TTC21A: variants seen among roughly 807,000 people sequenced by gnomAD.
TTC21A encodes the protein tetratricopeptide repeat domain 21A.
Under a neutral mutation model 156.4 loss-of-function variants are expected in TTC21A, and 128 were observed. The ratio of observed to expected loss-of-function variants is 0.82; its 90% CI spans 0.71 to 0.95. The LOEUF is 0.95. Among genes scored for constraint, TTC21A ranks in the 40% least tolerant of loss-of-function variants. TTC21A has a pLI of 0.00. For missense variants in TTC21A, 1,435 were observed against 1,602.3 expected (o/e 0.90, Z 1.78); for synonymous variants, 587 against 617.1 (o/e 0.95, Z 0.72).
chr3:39,130,593 C>T lies in TTC21A; in HGVS notation c.2320-108C>T, dbSNP rs2038649140. The T allele has an allele frequency of 1.4e-6, 2 of 1,414,454 alleles. No individual in the cohort carries two copies. Among genetic ancestry groups the T allele is most frequent in the Admixed American group, 3.8e-5 (2 of 52,218 alleles). 87.6% of individuals were successfully genotyped at this position (1,414,454 alleles called of 1,614,324 possible). A position where few individuals can be genotyped will look rare whatever the true frequency, so the allele number is the denominator to read the frequency against. On this transcript the variant is annotated intron_variant, in intron 17 of 28. Transcript: ENST00000683103. This position sits in a 1 kb window ranked among gnomAD's most constrained non-coding sequence, Gnocchi z 4.5. ...GGGAGGAGTGCCTTTTCACTTTAGGCTATGTTCTGGAGGGGCACACTGGTG... is the reference window on the plus strand; with the variant it reads ...GGGAGGAGTGCCTTTTCACTTTAGGTTATGTTCTGGAGGGGCACACTGGTG...
rs1380473266 is a variant in TTC21A, at chr3:39,110,051, T to G, written c.180T>G (p.Ser60Arg). The G allele has an allele frequency of 6.2e-7, 1 of 1,613,976 alleles. No homozygotes were observed. Among genetic ancestry groups the G allele is most frequent in the Admixed American group, 1.7e-5 (1 of 60,016 alleles). The change falls in exon 3 of 29, where the codon AGT becomes AGG. Residue 60 changes from serine to arginine, a missense_variant. Ser to Arg is a moderately radical substitution (Grantham distance 110). Transcript: ENST00000683103. ...LKEEHIQDAI[S>R]DLESIRHHPD... ...CAGAGCACATCCAGGATGCCATCAG[T>G]GACCTGGAAAGCATCAGGCATCACC...
rs757902747 is a variant in TTC21A, at chr3:39,137,498, C to T, written c.3463C>T (p.Pro1155Ser). Residue 1155 changes from proline (P) to serine (S), a missense_variant, in exon 26 of 29, where the codon CCT becomes TCT. By Grantham distance (74) the Pro-to-Ser change is moderately conservative (BLOSUM62 -1). Coordinates refer to ENST00000683103, the MANE Select transcript of TTC21A (RefSeq NM_001366900.1). ...ACCTGGTGTGTAGAAGGACAGCGTCCCTGCCCTGCTGGCCTTGGCACAAGC... is the reference window on the plus strand; with the variant it reads ...ACCTGGTGTGTAGAAGGACAGCGTCTCTGCCCTGCTGGCCTTGGCACAAGC... ...QIAQAEKDSV[P>S]ALLALAQAYV... 3 of 1,614,212 alleles carry T rather than the reference C, an allele frequency of 1.9e-6. No homozygotes were observed. In the South Asian group the frequency reaches 3.3e-5, roughly 18 times the overall value.
At chr3:39,127,292 C>G (rs1451572792) in intron 12 of TTC21A, among the ~76,000 whole-genome samples, 1 of 152,214 alleles carries the variant, frequency 6.6e-6, no homozygotes, top group Non-Finnish European at 1.5e-5. Context: ...ATACTGTGGC[C>G]ATTTGTCTGT....
At chr3:39,117,187 T>G (rs1457590419) in intron 6 of TTC21A, among the ~76,000 whole-genome samples, 2 of 152,272 alleles carry the variant, frequency 1.3e-5, no homozygotes. Flanking sequence ...TGTTTGATTC[T>G]TCTTTGGTCT....
chr3:39,126,833 T>C (rs1272407700), intron 12 of TTC21A, among the ~76,000 whole-genome samples: 1 of 152,152 alleles, frequency 6.6e-6, no homozygotes, highest in African/African-American at 2.4e-5. Flanking sequence ...TGAGATACAG[T>C]AGTACCAAAA....
intron 4 of TTC21A, among the ~76,000 whole-genome samples, chr3:39,111,923 G>T (rs1172412131): frequency 6.6e-6 from 1 of 152,180 alleles, no homozygotes; most frequent in East Asian, 1.9e-4. Flanking sequence ...GCCTGGAGAG[G>T]CTGGGTGAAG....
chr3:39,113,267 G>C (rs2036985721), intron 5 of TTC21A, among the ~76,000 whole-genome samples: 1 of 152,186 alleles, frequency 6.6e-6, no homozygotes, highest in African/African-American at 2.4e-5. Context: ...CTTGGGTCCA[G>C]GGTGTGTATT....
intron 19 of TTC21A, 50 bp downstream of exon 19, chr3:39,131,145 G>A (rs750097157): frequency 2.7e-6 from 4 of 1,488,820 alleles, no homozygotes; most frequent in Admixed American, 3.5e-5. Context: ...GCTGATGGGG[G>A]CTGAAGGAGG....
In TTC21A at chr3:39,130,723, C is replaced by T. The variant is rs1250945984; in HGVS notation, c.2342C>T (p.Ala781Val). Residue 781 changes from alanine (A) to valine (V), a missense_variant, in exon 18 of 29, where the codon GCC (alanine) becomes GTC (valine). Transcript: ENST00000683103. The surrounding 1 kb of genome is among the most constrained non-coding windows in gnomAD (Gnocchi z 4.5). Reference sequence around the variant, plus strand: ...AAGGCAATTGAGTATTATGAGGCTGCCCAGAAGATTAATGGACAGGACTTT... The same window carrying T: ...AAGGCAATTGAGTATTATGAGGCTGTCCAGAAGATTAATGGACAGGACTTT... The part of the protein sequence containing the change: ...YTEAIEYYEA[A>V]QKINGQDFLC... The T allele has an allele frequency of 3.1e-6, 5 of 1,614,154 alleles. No individual in the cohort carries two copies. The South Asian group carries it at 5.5e-5, about 18-fold the overall frequency.
Position 39,129,296 on chromosome 3 carries a change from C to A in TTC21A, c.2121C>A (p.Tyr707Ter). 6.2e-7 allele frequency: 1 copy of A among 1,613,654 alleles called. No individual in the cohort carries two copies. Among genetic ancestry groups the A allele is most frequent in the Non-Finnish European group, 8.5e-7 (1 of 1,179,520 alleles). The change falls in exon 15 of 29, where the codon TAC (tyrosine) becomes TAA (stop). Residue 707 changes from tyrosine to a stop codon, truncating the protein, a stop_gained. Transcript: ENST00000683103. LOFTEE classifies it high-confidence loss of function. Reference protein sequence around the residue: ...YLQTLRDRRLYIRCYRELCEH... With the variant: ...YLQTLRDRRL ...AGACCCTCAGAGACAGGCGCCTCTA[C>A]ATCAGATGCTACCGGTAAGCCCCAC...
chr3:39,131,172 C>G, intron 19 of TTC21A, 77 bp downstream of exon 19: 1 of 1,276,460 alleles, frequency 7.8e-7, no homozygotes, highest in South Asian at 1.3e-5. Flanking sequence ...GAGAGAGCTC[C>G]AGGTCTGGAA....
chr3:39,128,758 C>T lies in TTC21A; in HGVS notation c.1722C>T (p.Ala574=), dbSNP rs774150114. 86 of 1,614,110 alleles carry T rather than the reference C, an allele frequency of 5.3e-5. No individual in the cohort carries two copies. In the South Asian group the frequency reaches 7.4e-4, roughly 14 times the overall value. ...HPLYHLIKAR[A]LNKAGDYPEA... is the part of the protein sequence containing the mutation. ...TCTACCACCTCATCAAGGCCAGGGC[C>T]CTCAACAAGGCTGGAGACTATCCAG... The change falls in exon 14 of 29, where the codon GCC becomes GCT. Residue 574 remains alanine (A), a synonymous_variant. Transcript: ENST00000683103.
chr3:39,110,507 G>GAGACTAC (rs2036717731), intron 3 of TTC21A: 1 of 502,372 alleles, frequency 2.0e-6, no homozygotes, highest in African/African-American at 2.0e-5. Context: ...GGGTCCAAGA[G>GAGACTAC]AGACTACAGA....
At chr3:39,129,001 C>T (rs2038500353) in intron 14 of TTC21A, 69 bp downstream of exon 14, 1 of 1,607,892 alleles carries the variant, frequency 6.2e-7, no homozygotes, top group African/African-American at 1.3e-5. Flanking sequence ...GCCCAGGAAC[C>T]AGGTTCTTTG....
At chr3:39,117,798 G>T (rs1465403803) in intron 6 of TTC21A, among the ~76,000 whole-genome samples, 1 of 152,146 alleles carries the variant, frequency 6.6e-6, no homozygotes, top group East Asian at 1.9e-4. Flanking sequence ...GAAAGGGAAG[G>T]CATGCTGGTA....
At chr3:39,110,307 C>A (rs958344360) in intron 3 of TTC21A, 168 bp downstream of exon 3, 16 of 679,086 alleles carry the variant, frequency 2.4e-5, no homozygotes, top group Non-Finnish European at 4.3e-5. Context: ...CCCTGGAGGC[C>A]TGGGAGAAGA....
intron 7 of TTC21A, 57 bp from the exon 8 acceptor site, chr3:39,119,865 C>G: frequency 1.6e-6 from 2 of 1,242,302 alleles, no homozygotes; most frequent in South Asian, 2.5e-5. Flanking sequence ...TTGAGAACCA[C>G]GGCGCAACTC....
chr3:39,128,859 C>T lies in TTC21A; in HGVS notation c.1823C>T (p.Pro608Leu). 6.2e-7 allele frequency: 1 copy of T among 1,614,156 alleles called. No homozygotes were observed. The highest frequency in any genetic ancestry group is 1.1e-5 in the South Asian group (1 of 91,084). Residue 608 changes from proline to leucine, a missense_variant, in exon 14 of 29, where the codon CCC becomes CTC. Physicochemically the swap from Pro to Leu is moderately conservative, Grantham distance 98. Coordinates refer to ENST00000683103, the MANE Select transcript of TTC21A (RefSeq NM_001366900.1). ...GAAGAAGGCAGAAAGTTCCTCAGGC[C>T]CTCTGTGCAGCCTAGCCAGCGGGCA... ...KKEEGRKFLR[P>L]SVQPSQRASI...
rs578248783 is a variant in TTC21A at position 39,119,735 on chromosome 3, C to T, written c.802-187C>T. 81 of 528,602 alleles carry T rather than the reference C, an allele frequency of 1.5e-4. No homozygotes were observed. The African/African-American group carries it at 1.6e-3, about 10-fold the overall frequency. 32.7% of individuals were successfully genotyped at this position (528,602 alleles called of 1,614,324 possible). A position where few individuals can be genotyped will look rare whatever the true frequency, so the allele number is the denominator to read the frequency against. ...GTCCCCAGGAGTTCCACTTATAGGC[C>T]TTTGAAGTAATTCTGATGCCTGGAC... On this transcript the variant is annotated intron_variant, in intron 7 of 28. Transcript: ENST00000683103.
Sources: allele counts gnomAD v4.1 joint callset (sites outside exome capture counted in the v4.1 genomes callset), GRCh38; gene constraint gnomAD v4.1.1; non-coding constraint Gnocchi (gnomAD v3.1); transcripts MANE v1.5; gene names NCBI Gene and HGNC (gene_info 2026-07-23, HGNC 2026-07-21).